ZNF180: variants seen among roughly 807,000 people sequenced by gnomAD.
ZNF180 encodes the protein zinc finger protein 180 (HHZ168).
ZNF180 carries 11 observed loss-of-function variants against 11.8 expected under a neutral mutation model. The ratio of observed to expected loss-of-function variants is 0.93; its 90% CI spans 0.59 to 1.55. The LOEUF (loss-of-function observed/expected upper bound fraction) is 1.55. ZNF180 is among the 40% of genes most tolerant of loss of function. The pLI is 0.00. For synonymous variants in ZNF180, 287 were observed against 257.7 expected (o/e 1.11, Z -1.09); for missense variants, 773 against 781.7 (o/e 0.99, Z 0.13).
At chr19:44,488,084 C>CTT (rs1555735712) in intron 2 of ZNF180, among the ~76,000 whole-genome samples, 6,081 of 54,978 alleles carry the variant, frequency 0.11, 718 homozygotes, top group South Asian at 0.26. Flanking sequence ...CTCTCCCTCT[C>CTT]CCCACGGTCT....
intron 2 of ZNF180, among the ~76,000 whole-genome samples, chr19:44,490,717 C>T (rs764656254): frequency 3.9e-5 from 6 of 152,132 alleles, no homozygotes; most frequent in Non-Finnish European, 8.8e-5. Context: ...TTTTTCTCAG[C>T]AGGTACTTGG....
intron 2 of ZNF180, 135 bp downstream of exon 2, chr19:44,497,145 TAGTA>T (rs1970609240): frequency 3.9e-6 from 2 of 519,410 alleles, no homozygotes; most frequent in Non-Finnish European, 6.3e-6. Flanking sequence ...ATAAAATATA[TAGTA>T]AGTGTTAGAA....
chr19:44,488,844 C>G (rs189542968), intron 2 of ZNF180, among the ~76,000 whole-genome samples: 1 of 151,826 alleles, frequency 6.6e-6, no homozygotes, highest in Admixed American at 6.6e-5. Flanking sequence ...GCCGCAACCC[C>G]GTCTGGGAGG....
Position 44,476,734 on chromosome 19 carries a change from C to G in ZNF180, c.1666G>C (p.Gly556Arg). The change falls in exon 5 of 5, where the codon GGG becomes CGG. Residue 556 changes from glycine (G) to arginine (R), a missense_variant. Gly to Arg is a moderately radical substitution (Grantham distance 125). Coordinates refer to ENST00000592529, the MANE Select transcript of ZNF180 (RefSeq NM_001278509.3). ...GEKPYECNQC[G>R]KSFSQSYVLV... ...ACATAACTCTGGCTGAAGGATTTCC[C>G]ACACTGATTACATTCATACGGTTTT... 1 of 1,614,144 alleles carries G rather than the reference C, an allele frequency of 6.2e-7. No individual in the cohort carries two copies. Among genetic ancestry groups the G allele is most frequent in the Non-Finnish European group, 8.5e-7 (1 of 1,179,998 alleles).
At position 44,474,561 on chromosome 19, in the gene ZNF180, G is replaced by T. The variant is rs1969809478; in HGVS notation, c.*1841C>A. On this transcript the variant is annotated 3_prime_UTR_variant, in exon 5 of 5. Transcript: ENST00000592529. ...TCATTTCTTTCTTTACACGACTTGT[G>T]AGATAAGTAAGATATCAGTTAAAAT... is the stretch of plus-strand genomic sequence containing the variant. 6.6e-6 allele frequency: 1 copy of T among 152,078 alleles called. No individual in the cohort carries two copies. Among genetic ancestry groups the T allele is most frequent in the Non-Finnish European group, 1.5e-5 (1 of 68,032 alleles). 9.4% of individuals were successfully genotyped at this position (152,078 alleles called of 1,614,324 possible). A position where few individuals can be genotyped will look rare whatever the true frequency, so the allele number is the denominator to read the frequency against.
At chr19:44,489,030 G>A (rs559714577) in intron 2 of ZNF180, among the ~76,000 whole-genome samples, 4,907 of 149,788 alleles carry the variant, frequency 0.033, 301 homozygotes, top group African/African-American at 0.11. Context: ...GTCTCCGCCC[G>A]GCAGCCACCC....
chr19:44,491,065 T>C (rs904345436), intron 2 of ZNF180, among the ~76,000 whole-genome samples: 1 of 152,358 alleles, frequency 6.6e-6, no homozygotes, highest in Non-Finnish European at 1.5e-5. Context: ...TTACCGTGAC[T>C]CCACCATGCT....
chr19:44,499,157 C>A (rs1042231362), intron 1 of ZNF180, among the ~76,000 whole-genome samples: 2 of 152,196 alleles, frequency 1.3e-5, no homozygotes, highest in African/African-American at 4.8e-5. Flanking sequence ...CCATAATCAG[C>A]CCCAGGACTT....
chr19:44,476,463 C>T lies in ZNF180; in HGVS notation c.1937G>A (p.Ser646Asn). ...CIQCGKAFIN[S>N]YKLIRHQATH... ...TGCCTGATGCCTAATAAGTTTATAG[C>T]TATTAATGAAAGCTTTTCCACACTG... The change falls in exon 5 of 5, where the codon AGC becomes AAC. Residue 646 changes from serine to asparagine, a missense_variant. By Grantham distance (46) the Ser-to-Asn change is conservative. Coordinates refer to ENST00000592529, the MANE Select transcript of ZNF180 (RefSeq NM_001278509.3). 4 of 1,613,842 alleles carry T rather than the reference C, an allele frequency of 2.5e-6. No homozygotes were observed. Among genetic ancestry groups the T allele is most frequent in the Non-Finnish European group, 3.4e-6 (4 of 1,179,834 alleles).
rs1174676031 is a variant in ZNF180 at position 44,479,178 on chromosome 19, T to G, written c.253+105A>C. The G allele has an allele frequency of 2.1e-6, 3 of 1,396,558 alleles. No homozygotes were observed. The African/African-American group carries it at 4.4e-5, about 20-fold the overall frequency. The allele number at this position is 1,396,558 out of a possible 1,614,324, so 86.5% of individuals were successfully genotyped here. Reference sequence around the variant, plus strand: ...ATAAAGAGCACAAACACAATCTAGATGCAGCCAAAATCATTCTGGCTGCTG... The same window carrying G: ...ATAAAGAGCACAAACACAATCTAGAGGCAGCCAAAATCATTCTGGCTGCTG... On this transcript the variant is annotated intron_variant, in intron 4 of 4. Transcript: ENST00000592529.
chr19:44,474,597 G>C lies in ZNF180; in HGVS notation c.*1805C>G, dbSNP rs1969810581. Reference sequence around the variant, plus strand: ...GATATCAGTTAAAATTTTCATTTCAGCATCTGTTTTTCTCATATCCCCTTT... The same window carrying C: ...GATATCAGTTAAAATTTTCATTTCACCATCTGTTTTTCTCATATCCCCTTT... On this transcript the variant is annotated 3_prime_UTR_variant, in exon 5 of 5. Coordinates refer to ENST00000592529, the MANE Select transcript of ZNF180 (RefSeq NM_001278509.3). 2.0e-5 allele frequency: 3 copies of C among 152,064 alleles called. No individual in the cohort carries two copies. The South Asian group carries it at 6.2e-4, about 31-fold the overall frequency. 9.4% of individuals were successfully genotyped at this position (152,064 alleles called of 1,614,324 possible). A position where few individuals can be genotyped will look rare whatever the true frequency, so the allele number is the denominator to read the frequency against.
rs550034923 is a variant in ZNF180 at position 44,489,118 on chromosome 19, C to G, written c.52-4683G>C. The stretch of plus-strand genomic sequence containing the variant: ...GGAGGGAGGTGGGGGGGCCAGCCTC[C>G]CGCCCGGCCAGCCGCCCCGTCCGGG... On this transcript the variant is annotated intron_variant, in intron 2 of 4. Coordinates refer to ENST00000592529, the MANE Select transcript of ZNF180 (RefSeq NM_001278509.3). Among the ~76,000 whole-genome samples, 977 of 142,096 alleles carry G rather than the reference C, an allele frequency of 6.9e-3. 14 individuals carry two copies. The highest frequency in any genetic ancestry group is 0.024 in the African/African-American group (910 of 37,564). 93.2% of individuals were successfully genotyped at this position (142,096 alleles called of 152,430 possible).
intron 2 of ZNF180, among the ~76,000 whole-genome samples, chr19:44,492,854 T>C (rs1970484131): frequency 6.6e-6 from 1 of 152,218 alleles, no homozygotes; most frequent in Admixed American, 6.5e-5. Flanking sequence ...GGCAGACTTC[T>C]TGGTGTGTTT....
At chr19:44,491,576 AC>A (rs2123490380) in intron 2 of ZNF180, among the ~76,000 whole-genome samples, 1 of 134,952 alleles carries the variant, frequency 7.4e-6, no homozygotes, top group Admixed American at 7.8e-5. Context: ...AATCATCTAA[AC>A]TTTTTTTTTA....
chr19:44,487,247 G>A (rs1970253250), intron 2 of ZNF180, among the ~76,000 whole-genome samples: 1 of 152,138 alleles, frequency 6.6e-6, no homozygotes, highest in Middle Eastern at 3.2e-3. Flanking sequence ...TAGCATTAAT[G>A]TATTTAAAGG....
chr19:44,485,499 ACTTATTTG>A (rs1181391968), intron 2 of ZNF180, among the ~76,000 whole-genome samples: 1 of 152,052 alleles, frequency 6.6e-6, no homozygotes, highest in African/African-American at 2.4e-5. Flanking sequence ...CTTTATATTT[ACTTATTTG>A]CTCAAGCCCT....
intron 2 of ZNF180, among the ~76,000 whole-genome samples, chr19:44,489,849 G>C (rs1354976020): frequency 8.9e-6 from 1 of 112,640 alleles, no homozygotes; most frequent in East Asian, 2.6e-4. Flanking sequence ...GAAGAGATGA[G>C]AAGAGAAGAA....
rs528578788 is a variant in ZNF180 at position 44,483,359 on chromosome 19, G to A, written c.126+1002C>T. Among the ~76,000 whole-genome samples, 9 of 152,260 alleles carry A rather than the reference G, an allele frequency of 5.9e-5. No individual in the cohort carries two copies. In the East Asian group the frequency reaches 1.5e-3, roughly 26 times the overall value. ...GTCCACTCCATAGGAAGTGGACCTG[G>A]CAAATTACAAAAACTAAATGAATCT... On this transcript the variant is annotated intron_variant, in intron 3 of 4. Coordinates refer to ENST00000592529, the MANE Select transcript of ZNF180 (RefSeq NM_001278509.3).
intron 3 of ZNF180, among the ~76,000 whole-genome samples, chr19:44,482,476 A>G (rs1970108342): frequency 6.6e-6 from 1 of 152,044 alleles, no homozygotes; most frequent in South Asian, 2.1e-4. Flanking sequence ...CTCAGCATCA[A>G]AGAAGGAGTG....
Sources: allele counts gnomAD v4.1 joint callset (sites outside exome capture counted in the v4.1 genomes callset), GRCh38; gene constraint gnomAD v4.1.1; transcripts MANE v1.5; gene names NCBI Gene and HGNC (gene_info 2026-07-23, HGNC 2026-07-21).